AGBL4: variants seen among roughly 807,000 people sequenced by gnomAD.
AGBL4 encodes the protein cytosolic carboxypeptidase 6.
In AGBL4, 58 loss-of-function variants were observed where a neutral mutation model predicts 66.4. The ratio of observed to expected loss-of-function variants is 0.87; its 90% CI spans 0.71 to 1.09. AGBL4 has a LOEUF of 1.09. Ranked by LOEUF, AGBL4 falls within the 50% of genes least tolerant of loss-of-function variation. AGBL4 has a pLI of 0.00. For missense variants in AGBL4, 579 were observed against 631.0 expected (o/e 0.92, Z 0.88); for synonymous variants, 234 against 222.9 (o/e 1.05, Z -0.44).
chr1:49,162,810 G>A (rs2148144439), intron 4 of AGBL4, among the ~76,000 whole-genome samples: 1 of 152,260 alleles, frequency 6.6e-6, no homozygotes, highest in African/African-American at 2.4e-5. Flanking sequence ...ATATAATTGT[G>A]AGATTTTGGT....
At chr1:49,739,215 C>A (rs1650187193) in intron 2 of AGBL4, among the ~76,000 whole-genome samples, 1 of 152,114 alleles carries the variant, frequency 6.6e-6, no homozygotes, top group Non-Finnish European at 1.5e-5. Context: ...CTTAAAGGAC[C>A]TGATGGAGCT....
intron 3 of AGBL4, among the ~76,000 whole-genome samples, chr1:49,680,582 GC>G (rs1415199344): frequency 1.3e-5 from 2 of 151,890 alleles, no homozygotes; most frequent in Admixed American, 1.3e-4. Context: ...TTATTATAAA[GC>G]CTCTATCTTT....
chr1:49,355,344 C>T (rs1008683019), intron 3 of AGBL4, among the ~76,000 whole-genome samples: 10 of 152,104 alleles, frequency 6.6e-5, no homozygotes, highest in East Asian at 1.9e-4. Context: ...AAAACCAGGG[C>T]GTCATCCTTA....
chr1:48,934,445 A>G (rs1443124179), intron 5 of AGBL4, among the ~76,000 whole-genome samples: 2 of 152,180 alleles, frequency 1.3e-5, no homozygotes, highest in Admixed American at 6.5e-5. Flanking sequence ...GATATATTAC[A>G]TGTCCACTTT....
At chr1:48,792,664 T>C (rs1387691157) in intron 6 of AGBL4, among the ~76,000 whole-genome samples, 2 of 152,172 alleles carry the variant, frequency 1.3e-5, no homozygotes, top group African/African-American at 4.8e-5. Flanking sequence ...TAGTTGGAGC[T>C]GATACCTCAA....
chr1:49,961,823 G>A (rs912451430), intron 1 of AGBL4, among the ~76,000 whole-genome samples: 2 of 152,096 alleles, frequency 1.3e-5, no homozygotes, highest in South Asian at 2.1e-4. Flanking sequence ...AACAACTTTG[G>A]CACAAACAAA....
intron 5 of AGBL4, among the ~76,000 whole-genome samples, chr1:48,961,128 T>C (rs1657945324): frequency 6.6e-6 from 1 of 152,088 alleles, no homozygotes; most frequent in Non-Finnish European, 1.5e-5. Context: ...TGTGTATGTG[T>C]GTATGTACAG....
intron 3 of AGBL4, 118 bp downstream of exon 3, chr1:49,697,195 G>T (rs1310563025): frequency 3.4e-6 from 4 of 1,177,194 alleles, no homozygotes; most frequent in East Asian, 2.7e-5. Context: ...CTGTATCATT[G>T]CTGTGGATAA....
intron 3 of AGBL4, among the ~76,000 whole-genome samples, chr1:49,264,228 C>G (rs1021990957): frequency 2.6e-5 from 4 of 151,888 alleles, no homozygotes; most frequent in African/African-American, 9.7e-5. Context: ...TGAAAGATGA[C>G]AAAATGTTAA....
intron 4 of AGBL4, among the ~76,000 whole-genome samples, chr1:49,121,048 A>G (rs1021958259): frequency 8.5e-5 from 13 of 152,114 alleles, no homozygotes; most frequent in African/African-American, 2.4e-4. Context: ...CATGGTTTTC[A>G]GCTCCATCAG....
chr1:48,744,170 T>C (rs1305618202), intron 6 of AGBL4, among the ~76,000 whole-genome samples: 3 of 152,158 alleles, frequency 2.0e-5, no homozygotes, highest in Non-Finnish European at 4.4e-5. Context: ...ACCTCCCAAT[T>C]AGAGGTGCAA....
At chr1:49,451,577 G>A (rs1397046570) in intron 3 of AGBL4, among the ~76,000 whole-genome samples, 1 of 151,860 alleles carries the variant, frequency 6.6e-6, no homozygotes, top group African/African-American at 2.4e-5. Flanking sequence ...TTCACCTCAG[G>A]CACATCTGCC....
At chr1:48,920,068 C>A (rs1465008362) in intron 5 of AGBL4, among the ~76,000 whole-genome samples, 1 of 152,160 alleles carries the variant, frequency 6.6e-6, no homozygotes, top group Non-Finnish European at 1.5e-5. Context: ...AAAGAAGGGG[C>A]AGACTCTTGG....
chr1:49,010,359 A>G, intron 5 of AGBL4, among the ~76,000 whole-genome samples: 1 of 131,944 alleles, frequency 7.6e-6, no homozygotes, highest in African/African-American at 3.0e-5. Context: ...ACTACAAACC[A>G]CTGCTCAAGG....
chr1:48,616,707 C>G (rs1407297744), intron 9 of AGBL4, among the ~76,000 whole-genome samples: 2 of 152,216 alleles, frequency 1.3e-5, no homozygotes, highest in African/African-American at 4.8e-5. Context: ...TAATTACTGT[C>G]TAATTACCAG....
intron 5 of AGBL4, among the ~76,000 whole-genome samples, chr1:49,016,167 A>G (rs1227796870): frequency 6.6e-6 from 1 of 152,130 alleles, no homozygotes; most frequent in African/African-American, 2.4e-5. Context: ...TTCTGACAAG[A>G]CTTGCCACCT....
chr1:48,561,158 A>G (rs1174655566), intron 11 of AGBL4, among the ~76,000 whole-genome samples: 2 of 152,148 alleles, frequency 1.3e-5, no homozygotes, highest in Admixed American at 6.5e-5. Flanking sequence ...GTACACAGAA[A>G]GAGCATCACA....
At chr1:48,875,848 G>A (rs1649168186) in intron 5 of AGBL4, among the ~76,000 whole-genome samples, 1 of 152,144 alleles carries the variant, frequency 6.6e-6, no homozygotes, top group Non-Finnish European at 1.5e-5. Flanking sequence ...ACTTGCTCAA[G>A]GTCACAGCTG....
chr1:49,132,921 T>C (rs2135698), intron 4 of AGBL4, among the ~76,000 whole-genome samples: 2,003 of 152,324 alleles, frequency 0.013, 46 homozygotes, highest in African/African-American at 0.045. Context: ...ATCATTCTAC[T>C]ATAAAGACAC....
Sources: gnomAD v4.1 joint callset for allele counts (sites outside exome capture counted in the v4.1 genomes callset) on GRCh38, gnomAD v4.1.1 for gene constraint, MANE v1.5 for transcripts, NCBI Gene and HGNC (gene_info 2026-07-23, HGNC 2026-07-21) for gene names.